The following LRP1B variants were observed in gnomAD, a reference collection of about 807,000 sequenced individuals.
LRP1B encodes the protein LDL receptor related protein 1B, also known as low-density lipoprotein receptor-related protein 1B.
In LRP1B, 217 loss-of-function variants were observed where a neutral mutation model predicts 556.6. The observed-to-expected ratio is 0.39, with a 90% CI of 0.35 to 0.44. The LOEUF is 0.44. Among genes scored for constraint, LRP1B ranks in the 20% least tolerant of loss-of-function variants. The probability of loss-of-function intolerance (pLI) is 1.00; values close to 1 mark genes in which losing one functional copy is unlikely to be tolerated. For missense variants in LRP1B, 5,053 were observed against 5,620.8 expected (o/e 0.90, Z 3.23); for synonymous variants, 2,047 against 1,865.8 (o/e 1.10, Z -2.50).
intron 7 of LRP1B, among the ~76,000 whole-genome samples, chr2:141,151,145 G>T (rs1701914539): frequency 6.6e-6 from 1 of 151,978 alleles, no homozygotes; most frequent in Non-Finnish European, 1.5e-5. Flanking sequence ...TTAAAATAAT[G>T]GTTTATTTCT....
rs1048738730 is a variant in LRP1B at position 140,401,064 on chromosome 2, A to G, written c.10415-15055T>C. On this transcript the variant is annotated intron_variant, in intron 66 of 90. Transcript: ENST00000389484. ...CTGTTAACTATCTCAAGCAGTGGCC[A>G]TGGGTTGAAAGAAGCTCCGAACTGA... Among the ~76,000 whole-genome samples, 26 of 152,172 alleles carry G rather than the reference A, an allele frequency of 1.7e-4. 1 individual carries two copies. Among genetic ancestry groups the G allele is most frequent in the Admixed American group, 1.3e-3 (20 of 15,280 alleles).
chr2:140,533,762 G>A (rs527330974), intron 47 of LRP1B, among the ~76,000 whole-genome samples: 10 of 152,196 alleles, frequency 6.6e-5, no homozygotes, highest in South Asian at 6.2e-4. Context: ...AGAAATGTCC[G>A]AATCCAGGAA....
At chr2:140,525,823 T>G in intron 49 of LRP1B, 21 bp downstream of exon 49, 1 of 1,605,962 alleles carries the variant, frequency 6.2e-7, no homozygotes, top group Non-Finnish European at 8.5e-7. Flanking sequence ...AAGCCTGTGT[T>G]TTTCTAAATT....
intron 11 of LRP1B, among the ~76,000 whole-genome samples, chr2:141,030,527 A>G (rs1698338567): frequency 6.6e-6 from 1 of 152,146 alleles, no homozygotes; most frequent in Admixed American, 6.5e-5. Context: ...ATGATTAACA[A>G]TAAAGATTTA....
chr2:141,589,460 T>C (rs1687257720), intron 2 of LRP1B, among the ~76,000 whole-genome samples: 2 of 152,218 alleles, frequency 1.3e-5, no homozygotes, highest in African/African-American at 2.4e-5. Context: ...ACGCTTTTTA[T>C]AGATTTTCTT....
At chr2:141,302,968 A>G (rs1331971400) in intron 3 of LRP1B, among the ~76,000 whole-genome samples, 2 of 152,056 alleles carry the variant, frequency 1.3e-5, no homozygotes, top group Non-Finnish European at 2.9e-5. Context: ...CATATAATGA[A>G]TACTAGCAAT....
intron 1 of LRP1B, among the ~76,000 whole-genome samples, chr2:141,929,490 CAG>C (rs1441857455): frequency 6.6e-6 from 1 of 151,732 alleles, no homozygotes; most frequent in Non-Finnish European, 1.5e-5. Context: ...TTTTAAAAGA[CAG>C]AAGCACAACC....
chr2:141,787,349 A>C (rs1336366905), intron 2 of LRP1B, among the ~76,000 whole-genome samples: 1 of 151,988 alleles, frequency 6.6e-6, no homozygotes, highest in Non-Finnish European at 1.5e-5. Flanking sequence ...AATGCTTTTC[A>C]ACCAGTGAAT....
intron 7 of LRP1B, among the ~76,000 whole-genome samples, chr2:141,181,040 T>C (rs534763928): frequency 1.3e-5 from 2 of 152,068 alleles, no homozygotes; most frequent in East Asian, 3.9e-4. Flanking sequence ...TGCTCATGTC[T>C]CTCTGTTTTT....
intron 27 of LRP1B, among the ~76,000 whole-genome samples, chr2:140,858,445 C>T (rs1692683865): frequency 1.4e-5 from 2 of 147,616 alleles, no homozygotes. Flanking sequence ...CTCTATCCTA[C>T]ATTATCAACT....
intron 23 of LRP1B, chr2:140,898,830 T>A: frequency 2.0e-6 from 1 of 491,646 alleles, no homozygotes; most frequent in Non-Finnish European, 4.1e-6. Context: ...ATGTGGTGGA[T>A]CTTTCCAAGA....
At chr2:141,042,979 C>T (rs1174391172) in intron 11 of LRP1B, among the ~76,000 whole-genome samples, 3 of 148,044 alleles carry the variant, frequency 2.0e-5, no homozygotes, top group Admixed American at 6.9e-5. Context: ...ATCACTTGAG[C>T]CCAGGAGTTT....
intron 3 of LRP1B, among the ~76,000 whole-genome samples, chr2:141,405,579 C>A (rs928777822): frequency 6.6e-6 from 1 of 151,698 alleles, no homozygotes; most frequent in South Asian, 2.1e-4. Context: ...TGAGGAGGAG[C>A]CAAAATTATC....
At chr2:141,176,419 A>T (rs955058147) in intron 7 of LRP1B, among the ~76,000 whole-genome samples, 6 of 151,892 alleles carry the variant, frequency 4.0e-5, no homozygotes, top group Non-Finnish European at 8.8e-5. Flanking sequence ...TTCTCATGAG[A>T]TCTAATGGTT....
chr2:142,081,101 T>C (rs1054228617), intron 1 of LRP1B, among the ~76,000 whole-genome samples: 37 of 152,128 alleles, frequency 2.4e-4, no homozygotes, highest in Non-Finnish European at 5.1e-4. Context: ...ATTGCCCAGA[T>C]TCATGAAGTA....
At chr2:141,340,968 C>T (rs1398404773) in intron 3 of LRP1B, among the ~76,000 whole-genome samples, 1 of 151,834 alleles carries the variant, frequency 6.6e-6, no homozygotes, top group Admixed American at 6.6e-5. Flanking sequence ...AAGTTTTGAT[C>T]GCACAGACAA....
intron 3 of LRP1B, among the ~76,000 whole-genome samples, chr2:141,336,278 G>A (rs1044298897): frequency 2.0e-5 from 3 of 152,018 alleles, no homozygotes; most frequent in African/African-American, 7.2e-5. Context: ...GCACCTCCTA[G>A]GCTACAAGCT....
intron 3 of LRP1B, among the ~76,000 whole-genome samples, chr2:141,313,205 A>G (rs576994564): frequency 6.6e-4 from 100 of 152,280 alleles, no homozygotes; most frequent in African/African-American, 2.2e-3. Flanking sequence ...AAGCACTTCT[A>G]TTATTGTAGA....
intron 11 of LRP1B, among the ~76,000 whole-genome samples, chr2:141,048,614 AAT>A (rs1482134591): frequency 6.6e-6 from 1 of 152,132 alleles, no homozygotes; most frequent in Non-Finnish European, 1.5e-5. Flanking sequence ...TGACATGATC[AAT>A]AGTCTAATGA....
Sources: gnomAD v4.1 joint callset for allele counts (sites outside exome capture counted in the v4.1 genomes callset) on GRCh38, gnomAD v4.1.1 for gene constraint, MANE v1.5 for transcripts, NCBI Gene and HGNC (gene_info 2026-07-23, HGNC 2026-07-21) for gene names.